MAP2K3: variants seen among roughly 807,000 people sequenced by gnomAD.
MAP2K3 encodes the protein mitogen-activated protein kinase kinase 3.
A neutral mutation model predicts 46.4 loss-of-function variants in MAP2K3; 30 were observed. The ratio of observed to expected loss-of-function variants is 0.65; its 90% CI spans 0.48 to 0.88. The LOEUF (loss-of-function observed/expected upper bound fraction) is 0.88, where lower values mean the gene tolerates loss of function less well. MAP2K3 is among the 40% of genes least tolerant of loss of function. The pLI, the probability that MAP2K3 is intolerant of heterozygous loss-of-function variation, is 0.00. For synonymous variants in MAP2K3, 189 were observed against 176.3 expected, an observed-to-expected ratio of 1.07 and a Z score of -0.57; for missense variants, 380 against 464.5, an observed-to-expected ratio of 0.82 and a Z score of 1.67.
chr17:21,295,153 C>G (rs1306589913), intron 1 of MAP2K3, among the ~76,000 whole-genome samples: 2 of 152,310 alleles, frequency 1.3e-5, no homozygotes, highest in African/African-American at 4.8e-5. Context: ...TGTGAAGGCC[C>G]TGCGGTGGGA....
At chr17:21,288,561 C>G (rs1484927536) in intron 1 of MAP2K3, among the ~76,000 whole-genome samples, 1 of 152,218 alleles carries the variant, frequency 6.6e-6, no homozygotes, top group Non-Finnish European at 1.5e-5. Flanking sequence ...GTCCAAACCC[C>G]AGCTCTGTCC....
chr17:21,284,802 CGCCGCT>C lies in MAP2K3; in HGVS notation c.-116_-111del. 2.5e-6 allele frequency: 3 copies of C among 1,189,598 alleles called. No individual in the cohort carries two copies. The highest frequency in any genetic ancestry group is 3.4e-6 in the Non-Finnish European group (3 of 884,648). The allele number at this position is 1,189,598 out of a possible 1,614,324, so 73.7% of individuals were successfully genotyped here. ...CAGTCGCCGCCGCCGCCGCCGCCGC[CGCCGCT>C]GCTCCTCCGCCTGGCCTGGGCCGTC... On this transcript the variant is annotated 5_prime_UTR_variant, in exon 1 of 12. Transcript: ENST00000342679.
At position 21,302,160 on chromosome 17, in the gene MAP2K3, C is replaced by A; in HGVS notation, c.417C>A (p.Cys139Ter). 6.2e-7 allele frequency: 1 copy of A among 1,614,254 alleles called. No homozygotes were observed. Among genetic ancestry groups the A allele is most frequent in the Non-Finnish European group, 8.5e-7 (1 of 1,180,028 alleles). Reference sequence around the variant, plus strand: ...ACCCACAGGGAGACGTGTGGATCTGCATGGAGCTCATGGACACATCCTTGG... The same window carrying A: ...ACCCACAGGGAGACGTGTGGATCTGAATGGAGCTCATGGACACATCCTTGG... ...ALFREGDVWI[C>*]MELMDTSLDK... The change falls in exon 6 of 12, where the codon TGC becomes TGA. Residue 139 changes from cysteine (C) to a stop codon, truncating the protein, a stop_gained. Transcript: ENST00000342679. LOFTEE classifies it high-confidence loss of function.
At chr17:21,292,737 T>G in intron 1 of MAP2K3, among the ~76,000 whole-genome samples, 1 of 152,430 alleles carries the variant, frequency 6.6e-6, no homozygotes, top group South Asian at 2.1e-4. Context: ...TCCTTCTGCC[T>G]TGGCCTCCCA....
At chr17:21,292,156 A>T (rs924292559) in intron 1 of MAP2K3, among the ~76,000 whole-genome samples, 1 of 152,312 alleles carries the variant, frequency 6.6e-6, no homozygotes, top group Non-Finnish European at 1.5e-5. Context: ...CAGCCTGAGC[A>T]GCCTGCTGCG....
At chr17:21,298,253 C>A in intron 1 of MAP2K3, 160 bp from the exon 2 acceptor site, 1 of 1,063,358 alleles carries the variant, frequency 9.4e-7, no homozygotes, top group Non-Finnish European at 1.5e-6. Flanking sequence ...CTCCTTCCCC[C>A]TTTGAAGGCC....
chr17:21,296,068 T>A (rs1372162053), intron 1 of MAP2K3: 3 of 1,289,194 alleles, frequency 2.3e-6, no homozygotes, highest in Non-Finnish European at 3.0e-6. Context: ...AGGGCAGTTT[T>A]TTTTTTCACC....
chr17:21,291,478 A>G (rs756136306), intron 1 of MAP2K3: 18 of 456,476 alleles, frequency 3.9e-5, no homozygotes, highest in South Asian at 2.8e-4. Context: ...GTGGCTGGCA[A>G]TGGCCTTGCT....
chr17:21,298,532 G>C, intron 2 of MAP2K3, 53 bp downstream of exon 2: 1 of 1,614,076 alleles, frequency 6.2e-7, no homozygotes, highest in East Asian at 2.2e-5. Flanking sequence ...TTCCCGAACA[G>C]GGCTCAATGG....
At chr17:21,288,057 T>C (rs954278720) in intron 1 of MAP2K3, 46 of 1,288,944 alleles carry the variant, frequency 3.6e-5, no homozygotes, top group African/African-American at 9.1e-5. Context: ...TTGGCCCGTG[T>C]GAGGAGAAGG....
chr17:21,313,612 T>C (rs757438440), intron 11 of MAP2K3, 75 bp downstream of exon 11: 4 of 1,168,906 alleles, frequency 3.4e-6, no homozygotes, highest in Non-Finnish European at 5.0e-6. Flanking sequence ...GGGAGAGGGC[T>C]GCATCCTGCA....
chr17:21,302,739 C>T (rs555895116), intron 6 of MAP2K3, among the ~76,000 whole-genome samples: 114 of 152,366 alleles, frequency 7.5e-4, no homozygotes, highest in African/African-American at 2.6e-3. Context: ...AAAATAGAAC[C>T]AGTGAGACTG....
rs776457114 is a variant in MAP2K3, at chr17:21,300,668, G to T, written c.279+10G>T. The T allele has an allele frequency of 6.2e-7, 1 of 1,605,822 alleles. No individual in the cohort carries two copies. Among genetic ancestry groups the T allele is most frequent in the Admixed American group, 1.7e-5 (1 of 58,252 alleles). On this transcript the variant is annotated intron_variant, in intron 4 of 11. Coordinates refer to ENST00000342679, the MANE Select transcript of MAP2K3 (RefSeq NM_145109.3). ...CATCATGGCCGTGAAGGTGAGCAGG[G>T]CCTGGAGGCAGCTGGGAGGGCTCCC...
At chr17:21,310,129 T>C (rs561887666) in intron 9 of MAP2K3, among the ~76,000 whole-genome samples, 1 of 151,708 alleles carries the variant, frequency 6.6e-6, no homozygotes, top group South Asian at 2.1e-4. Flanking sequence ...CCTCACTCAA[T>C]CTCCCAAGTA....
In MAP2K3 at chr17:21,304,417, C is replaced by A; in HGVS notation, c.569-9C>A. 1 of 1,614,308 alleles carries A rather than the reference C, an allele frequency of 6.2e-7. No homozygotes were observed. The highest frequency in any genetic ancestry group is 8.5e-7 in the Non-Finnish European group (1 of 1,180,054). The stretch of plus-strand genomic sequence containing the variant: ...ACAGACGTGGCTGAGGCATGTCCCT[C>A]CCTGGCAGATGTGAAGCCCTCCAAT... On this transcript the variant is annotated splice_polypyrimidine_tract_variant and intron_variant, in intron 7 of 11. Transcript: ENST00000342679.
intron 8 of MAP2K3, among the ~76,000 whole-genome samples, chr17:21,304,785 T>C (rs1247092162): frequency 6.6e-6 from 1 of 152,310 alleles, no homozygotes; most frequent in East Asian, 1.9e-4. Context: ...ATGGACCACC[T>C]CTGCGGAGGA....
chr17:21,303,151 T>C (rs766269662), intron 6 of MAP2K3, 32 bp from the exon 7 acceptor site: 2 of 1,614,020 alleles, frequency 1.2e-6, no homozygotes, highest in African/African-American at 2.7e-5. Context: ...AACAGAGTCC[T>C]GTCTCTTCCC....
Position 21,313,531 on chromosome 17 carries a change from G to A in MAP2K3, c.954G>A (p.Glu318=). Residue 318 remains glutamate, a synonymous_variant, in exon 11 of 12, where the codon GAG becomes GAA. Coordinates refer to ENST00000342679, the MANE Select transcript of MAP2K3 (RefSeq NM_145109.3). ...CCGCAGAGCGTATGAGCTACCTGGA[G>A]CTGATGGTGAGTATGGGCGGGAGGT... ...KNPAERMSYL[E]LMEHPFFTLH... is the part of the protein sequence containing the mutation. 2 of 1,612,662 alleles carry A rather than the reference G, an allele frequency of 1.2e-6. No individual in the cohort carries two copies. The highest frequency in any genetic ancestry group is 8.5e-7 in the Non-Finnish European group (1 of 1,179,788).
intron 3 of MAP2K3, among the ~76,000 whole-genome samples, chr17:21,299,609 G>A (rs1030401401): frequency 6.6e-6 from 1 of 152,244 alleles, no homozygotes; most frequent in Non-Finnish European, 1.5e-5. Flanking sequence ...TTGAACCCAG[G>A]AGGTGGATGT....
Sources: allele counts gnomAD v4.1 joint callset (sites outside exome capture counted in the v4.1 genomes callset), GRCh38; gene constraint gnomAD v4.1.1; transcripts MANE v1.5; gene names NCBI Gene and HGNC (gene_info 2026-07-23, HGNC 2026-07-21).